Variants in KCNQ3 observed in about 807,000 individuals in gnomAD.
The protein encoded by KCNQ3 is potassium voltage-gated channel subfamily Q member 3.
A neutral mutation model predicts 92.5 loss-of-function variants in KCNQ3; 30 were observed. The ratio of observed to expected loss-of-function variants is 0.32; its 90% CI spans 0.24 to 0.44. The LOEUF is 0.44. Ranked by LOEUF, KCNQ3 falls within the 20% of genes least tolerant of loss-of-function variation. The probability of loss-of-function intolerance (pLI) is 1.00; values close to 1 mark genes in which losing one functional copy is unlikely to be tolerated. For missense variants in KCNQ3, 913 were observed against 1,140.3 expected (o/e 0.80, Z 2.87); for synonymous variants, 450 against 468.8 (o/e 0.96, Z 0.52).
chr8:132,443,943 A>G (rs549315448), intron 1 of KCNQ3, among the ~76,000 whole-genome samples: 1 of 152,162 alleles, frequency 6.6e-6, no homozygotes, highest in Non-Finnish European at 1.5e-5. Context: ...ATAATAAGTG[A>G]TTTAATCCTC....
intron 1 of KCNQ3, among the ~76,000 whole-genome samples, chr8:132,431,897 C>T (rs915615815): frequency 1.3e-5 from 2 of 152,232 alleles, no homozygotes; most frequent in African/African-American, 4.8e-5. Context: ...TGATCTTTGA[C>T]TGGGTCCGGG....
At position 132,125,833 on chromosome 8, in the gene KCNQ3, T is replaced by C. The variant is rs1824647546; in HGVS notation, c.*3429A>G. On this transcript the variant is annotated 3_prime_UTR_variant, in exon 15 of 15. Coordinates refer to ENST00000388996, the MANE Select transcript of KCNQ3 (RefSeq NM_004519.4). ...ATGTCTAATAAGCCTAAATTTCCAG[T>C]TCTAAAAACAAAGTTATTCAACAAC... The C allele has an allele frequency of 6.6e-6, 1 of 152,208 alleles. No individual in the cohort carries two copies. Among genetic ancestry groups the C allele is most frequent in the African/African-American group, 2.4e-5 (1 of 41,458 alleles). The allele number at this position is 152,208 out of a possible 1,614,324, so 9.4% of individuals were successfully genotyped here. A position where few individuals can be genotyped will look rare whatever the true frequency, so the allele number is the denominator to read the frequency against.
At chr8:132,387,032 C>A (rs1476600661) in intron 1 of KCNQ3, among the ~76,000 whole-genome samples, 3 of 152,090 alleles carry the variant, frequency 2.0e-5, no homozygotes, top group African/African-American at 7.2e-5. Flanking sequence ...ATCACACTTT[C>A]CCCCACAAAA....
intron 1 of KCNQ3, among the ~76,000 whole-genome samples, chr8:132,249,509 A>G (rs181949838): frequency 6.7e-6 from 1 of 149,284 alleles, no homozygotes; most frequent in African/African-American, 2.6e-5. Flanking sequence ...CTAGACACAG[A>G]GTGCTGACTG....
At chr8:132,142,388 T>C (rs1196071177) in intron 9 of KCNQ3, among the ~76,000 whole-genome samples, 2 of 152,308 alleles carry the variant, frequency 1.3e-5, no homozygotes, top group South Asian at 2.1e-4. Context: ...GTCTGTAAAG[T>C]AGGGATAAGC....
chr8:132,248,863 G>T (rs1815285829), intron 1 of KCNQ3, among the ~76,000 whole-genome samples: 1 of 152,252 alleles, frequency 6.6e-6, no homozygotes, highest in Non-Finnish European at 1.5e-5. Context: ...GTCTTCAGTG[G>T]AATGGCTTAT....
chr8:132,165,364 G>A (rs1826114872), intron 8 of KCNQ3, among the ~76,000 whole-genome samples: 1 of 152,170 alleles, frequency 6.6e-6, no homozygotes, highest in African/African-American at 2.4e-5. Flanking sequence ...GTGCACATAA[G>A]GGATGATCAA....
chr8:132,358,582 A>G (rs998785126), intron 1 of KCNQ3, among the ~76,000 whole-genome samples: 2 of 152,056 alleles, frequency 1.3e-5, no homozygotes, highest in Non-Finnish European at 2.9e-5. Flanking sequence ...TTTGATTCAG[A>G]AAAAAAATAA....
chr8:132,398,263 A>C (rs902749359), intron 1 of KCNQ3, among the ~76,000 whole-genome samples: 3 of 152,152 alleles, frequency 2.0e-5, no homozygotes, highest in Admixed American at 6.5e-5. Context: ...CTCTTCAACT[A>C]GTTGGTTAAT....
chr8:132,183,489 C>A (rs1182772239), intron 3 of KCNQ3, among the ~76,000 whole-genome samples: 1 of 152,208 alleles, frequency 6.6e-6, no homozygotes, highest in South Asian at 2.1e-4. Flanking sequence ...CCCTGACACT[C>A]TATGATCCTG....
intron 1 of KCNQ3, among the ~76,000 whole-genome samples, chr8:132,355,425 C>A (rs1440702174): frequency 6.6e-6 from 1 of 151,942 alleles, no homozygotes; most frequent in African/African-American, 2.4e-5. Flanking sequence ...GGCCCCTGAC[C>A]CAAGCTGAGC....
intron 1 of KCNQ3, among the ~76,000 whole-genome samples, chr8:132,187,807 A>ATGGTGGTGG (rs1166642331): frequency 8.3e-6 from 1 of 120,478 alleles, no homozygotes; most frequent in African/African-American, 3.5e-5. Context: ...GGTGATAGTG[A>ATGGTGGTGG]TGGTGGTGGT....
intron 1 of KCNQ3, among the ~76,000 whole-genome samples, chr8:132,476,729 G>A (rs899456576): frequency 6.6e-6 from 1 of 152,154 alleles, no homozygotes; most frequent in South Asian, 2.1e-4. Flanking sequence ...TCTCAGATGA[G>A]ACTTTGGACT....
intron 1 of KCNQ3, among the ~76,000 whole-genome samples, chr8:132,447,417 T>A (rs1425915490): frequency 1.3e-5 from 2 of 148,972 alleles, no homozygotes; most frequent in East Asian, 2.0e-4. Flanking sequence ...AGGAAGAAGG[T>A]GGGGAAGAGG....
intron 1 of KCNQ3, among the ~76,000 whole-genome samples, chr8:132,325,402 T>C (rs1177921181): frequency 1.3e-5 from 2 of 152,130 alleles, no homozygotes; most frequent in Non-Finnish European, 2.9e-5. Context: ...CTGGCTGGTG[T>C]CATGGGCTGA....
At chr8:132,322,677 C>G (rs1817927051) in intron 1 of KCNQ3, among the ~76,000 whole-genome samples, 1 of 152,186 alleles carries the variant, frequency 6.6e-6, no homozygotes, top group Admixed American at 6.5e-5. Context: ...ACTGGGCAGG[C>G]AGACGAATGT....
At chr8:132,458,003 G>A (rs1223572108) in intron 1 of KCNQ3, among the ~76,000 whole-genome samples, 2 of 152,148 alleles carry the variant, frequency 1.3e-5, no homozygotes, top group African/African-American at 2.4e-5. Flanking sequence ...TCCAGACGAT[G>A]AGGTCTTTGA....
chr8:132,431,222 C>T (rs909878989), intron 1 of KCNQ3, among the ~76,000 whole-genome samples: 1 of 152,208 alleles, frequency 6.6e-6, no homozygotes. Flanking sequence ...GTCCTTGTCA[C>T]TGATGTGGAC....
At chr8:132,311,375 T>C (rs1261384345) in intron 1 of KCNQ3, among the ~76,000 whole-genome samples, 9 of 188 alleles carry the variant, frequency 0.048, no homozygotes, top group Non-Finnish European at 0.057. Flanking sequence ...AGAAAAGAGA[T>C]TGTCCCGTTT....
Sources: gnomAD v4.1 joint callset for allele counts (sites outside exome capture counted in the v4.1 genomes callset) on GRCh38, gnomAD v4.1.1 for gene constraint, MANE v1.5 for transcripts, NCBI Gene and HGNC (gene_info 2026-07-23, HGNC 2026-07-21) for gene names.